The following BMERB1 variants were observed in gnomAD, a reference collection of about 807,000 sequenced individuals.
BMERB1 encodes bMERB domain containing 1, also known as bMERB domain-containing protein 1.
Under a neutral mutation model 23.6 loss-of-function variants are expected in BMERB1, and 12 were observed. That is an observed-to-expected ratio of 0.51 (90% CI 0.33 to 0.82). The LOEUF (loss-of-function observed/expected upper bound fraction) is 0.82. Among genes scored for constraint, BMERB1 ranks in the 40% least tolerant of loss-of-function variants. The pLI is 0.03. For missense variants in BMERB1, 247 were observed against 255.4 expected, an observed-to-expected ratio of 0.97 and a Z score of 0.22; for synonymous variants, 122 against 96.6, an observed-to-expected ratio of 1.26 and a Z score of -1.54.
chr16:15,528,161 T>C (rs2051927829), intron 2 of BMERB1, among the ~76,000 whole-genome samples: 2 of 152,316 alleles, frequency 1.3e-5, no homozygotes. Flanking sequence ...CTCACAGTTC[T>C]GGAGTCTGGC....
At chr16:15,518,617 G>A (rs1434245613) in intron 2 of BMERB1, among the ~76,000 whole-genome samples, 1 of 152,186 alleles carries the variant, frequency 6.6e-6, no homozygotes, top group Non-Finnish European at 1.5e-5. Context: ...CTCAGAGATG[G>A]TTTTTCCCGA....
intron 2 of BMERB1, among the ~76,000 whole-genome samples, chr16:15,526,951 A>AATCATATTTTATTATATTT (rs2051913464): frequency 1.4e-5 from 2 of 147,908 alleles, no homozygotes; most frequent in African/African-American, 4.9e-5. Context: ...AAATATAATA[A>AATCATATTTTATTATATTT]ATCATATTTT....
At chr16:15,503,090 T>C (rs945393121) in intron 1 of BMERB1, among the ~76,000 whole-genome samples, 9 of 152,154 alleles carry the variant, frequency 5.9e-5, no homozygotes, top group African/African-American at 2.2e-4. Flanking sequence ...ATGGAAAATA[T>C]TCAGGAAAAA....
intron 2 of BMERB1, among the ~76,000 whole-genome samples, chr16:15,552,931 T>C (rs2030137474): frequency 6.6e-6 from 1 of 152,166 alleles, no homozygotes; most frequent in African/African-American, 2.4e-5. Context: ...CTCAGTACTT[T>C]GGGAGGCCAA....
chr16:15,535,805 A>G (rs1051637935), intron 2 of BMERB1, among the ~76,000 whole-genome samples: 2 of 152,146 alleles, frequency 1.3e-5, no homozygotes, highest in Non-Finnish European at 2.9e-5. Context: ...TAATTGACTC[A>G]CAGTTTCGCA....
chr16:15,502,399 A>G, intron 1 of BMERB1: 6 of 1,529,128 alleles, frequency 3.9e-6, no homozygotes, highest in Non-Finnish European at 5.3e-6. Flanking sequence ...TTGGGGGCCC[A>G]GTGGCATCCT....
intron 1 of BMERB1, among the ~76,000 whole-genome samples, chr16:15,480,365 A>G (rs931393564): frequency 1.3e-5 from 2 of 151,820 alleles, no homozygotes; most frequent in African/African-American, 2.4e-5. Flanking sequence ...CCGCCCGTCT[A>G]GGCCTCCCAA....
chr16:15,517,851 ATG>A (rs373868958), intron 2 of BMERB1, among the ~76,000 whole-genome samples: 3 of 78,272 alleles, frequency 3.8e-5, no homozygotes, highest in South Asian at 1.1e-3. Context: ...TGTATTGTGG[ATG>A]TGTGTGTGTG....
chr16:15,571,645 A>G (rs2030730317), intron 3 of BMERB1, among the ~76,000 whole-genome samples: 1 of 152,120 alleles, frequency 6.6e-6, no homozygotes, highest in Non-Finnish European at 1.5e-5. Context: ...GTGAGCCACC[A>G]CACCCAGCCA....
intron 1 of BMERB1, among the ~76,000 whole-genome samples, chr16:15,465,777 A>T (rs1334493182): frequency 1.3e-5 from 2 of 152,184 alleles, no homozygotes; most frequent in African/African-American, 4.8e-5. Context: ...ATATGTATTT[A>T]TCTTTTCCAC....
chr16:15,450,140 G>A (rs958923627), intron 1 of BMERB1, among the ~76,000 whole-genome samples: 1 of 152,014 alleles, frequency 6.6e-6, no homozygotes, highest in African/African-American at 2.4e-5. Context: ...CTCTACCACC[G>A]TACTCCAAAG....
chr16:15,543,098 G>C (rs759718410), intron 2 of BMERB1, among the ~76,000 whole-genome samples: 96 of 152,110 alleles, frequency 6.3e-4, no homozygotes, highest in Middle Eastern at 3.2e-3. Flanking sequence ...TTATTAAGTA[G>C]TGGAAGTGGC....
At chr16:15,562,485 T>C (rs2030450688) in intron 2 of BMERB1, among the ~76,000 whole-genome samples, 1 of 152,018 alleles carries the variant, frequency 6.6e-6, no homozygotes, top group African/African-American at 2.4e-5. Context: ...TCTCAAAAAT[T>C]ATCAATAATT....
chr16:15,537,429 A>G (rs2052035543), intron 2 of BMERB1, among the ~76,000 whole-genome samples: 1 of 146,020 alleles, frequency 6.8e-6, no homozygotes, highest in Admixed American at 6.9e-5. Context: ...ATCTTGGCTC[A>G]CTGCAACCTT....
chr16:15,539,316 T>A (rs2150962211), intron 2 of BMERB1, among the ~76,000 whole-genome samples: 1 of 152,050 alleles, frequency 6.6e-6, no homozygotes, highest in South Asian at 2.1e-4. Context: ...GAGGGGGAGC[T>A]CAGCCGGTAC....
At chr16:15,448,631 A>G (rs1193685868) in intron 1 of BMERB1, among the ~76,000 whole-genome samples, 1 of 152,140 alleles carries the variant, frequency 6.6e-6, no homozygotes, top group Non-Finnish European at 1.5e-5. Context: ...CCATCTACCA[A>G]AAATATAAAA....
chr16:15,487,736 G>A (rs1429105740), intron 1 of BMERB1, among the ~76,000 whole-genome samples: 1 of 152,168 alleles, frequency 6.6e-6, no homozygotes, highest in African/African-American at 2.4e-5. Context: ...TGAGTTTTCT[G>A]GGAAAGAGGT....
intron 1 of BMERB1, among the ~76,000 whole-genome samples, chr16:15,438,970 G>A (rs188982398): frequency 3.3e-5 from 5 of 152,268 alleles, no homozygotes; most frequent in African/African-American, 1.2e-4. Flanking sequence ...GAAAAGAAGA[G>A]TCCCCTTAAA....
chr16:15,587,051 G>A lies in BMERB1; in HGVS notation c.*222G>A, dbSNP rs1421298095. On this transcript the variant is annotated 3_prime_UTR_variant, in exon 6 of 6. Transcript: ENST00000300006. ...CGTCGCATGGTCCTCCCCAGAGCAT[G>A]CCGAACCCAGGAGTCTGTCTCACTG... 8 of 528,300 alleles carry A rather than the reference G, an allele frequency of 1.5e-5. No individual in the cohort carries two copies. In the Admixed American group the frequency reaches 2.9e-4, roughly 19 times the overall value. 32.7% of individuals were successfully genotyped at this position (528,300 alleles called of 1,614,324 possible).
Sources: gnomAD v4.1 joint callset for allele counts (sites outside exome capture counted in the v4.1 genomes callset) on GRCh38, gnomAD v4.1.1 for gene constraint, MANE v1.5 for transcripts, NCBI Gene and HGNC (gene_info 2026-07-23, HGNC 2026-07-21) for gene names.